NUDT9: variants seen among roughly 807,000 people sequenced by gnomAD.
NUDT9 encodes ADP-ribose pyrophosphatase.
In NUDT9, 31 loss-of-function variants were observed where a neutral mutation model predicts 41.0. The observed-to-expected ratio is 0.76, with a 90% CI of 0.57 to 1.02. The LOEUF is 1.02. Among genes scored for constraint, NUDT9 ranks in the 50% least tolerant of loss-of-function variants. NUDT9 has a pLI of 0.00. For missense variants in NUDT9, 380 were observed against 431.4 expected, an observed-to-expected ratio of 0.88 and a Z score of 1.06; for synonymous variants, 146 against 147.6, an observed-to-expected ratio of 0.99 and a Z score of 0.08.
intron 1 of NUDT9, among the ~76,000 whole-genome samples, chr4:87,424,571 ATTC>A (rs1458975483): frequency 1.3e-5 from 2 of 151,990 alleles, no homozygotes; most frequent in Non-Finnish European, 2.9e-5. Flanking sequence ...CTTGGTGCAT[ATTC>A]TTATTTTACT....
At chr4:87,434,743 C>T (rs1309457999) in intron 1 of NUDT9, among the ~76,000 whole-genome samples, 4 of 151,784 alleles carry the variant, frequency 2.6e-5, no homozygotes, top group Non-Finnish European at 5.9e-5. Flanking sequence ...GATTCTCTTG[C>T]CTCAGCCTCC....
chr4:87,422,947 T>C lies in NUDT9; in HGVS notation c.42T>C (p.Ser14=), dbSNP rs749473652. ...RLLGKALAAV[S]LSLALASVTI... ...TGGGAAAGGCTTTAGCCGCGGTGTC[T>C]CTCTCTCTGGCCTTGGCCTCTGTGA... Residue 14 remains serine (S), a synonymous_variant, in exon 1 of 8, where the codon TCT becomes TCC. Transcript: ENST00000302174. 106 of 1,612,584 alleles carry C rather than the reference T, an allele frequency of 6.6e-5. No homozygotes were observed. The highest frequency in any genetic ancestry group is 8.6e-5 in the Non-Finnish European group (102 of 1,179,672).
Position 87,435,072 on chromosome 4 carries a change from A to G in NUDT9, c.199A>G (p.Thr67Ala). 1 of 1,614,182 alleles carries G rather than the reference A, an allele frequency of 6.2e-7. No individual in the cohort carries two copies. Among genetic ancestry groups the G allele is most frequent in the Non-Finnish European group, 8.5e-7 (1 of 1,180,036 alleles). ...SKENSHNKAR[T>A]SPYPGSKVER... Reference sequence around the variant, plus strand: ...AGAAAATTCTCACAATAAGGCTCGGACGTCTCCTTACCCAGGTTCAAAAGT... The same window carrying G: ...AGAAAATTCTCACAATAAGGCTCGGGCGTCTCCTTACCCAGGTTCAAAAGT... Residue 67 changes from threonine (T) to alanine (A), a missense_variant, in exon 2 of 8, where the codon ACG becomes GCG. Physicochemically the swap from Thr to Ala is moderately conservative, Grantham distance 58. Coordinates refer to ENST00000302174, the MANE Select transcript of NUDT9 (RefSeq NM_024047.5).
intron 3 of NUDT9, among the ~76,000 whole-genome samples, chr4:87,439,423 A>G (rs1722098858): frequency 1.3e-5 from 2 of 152,192 alleles, no homozygotes; most frequent in South Asian, 4.1e-4. Flanking sequence ...TGGGAGGCCA[A>G]GGCGGGTGGA....
Position 87,457,982 on chromosome 4 carries a change from C to G in NUDT9, c.1014C>G (p.His338Gln), listed in dbSNP as rs1238992476. ...IKLVAEKRDA[H>Q]WSEDSEADCH... The stretch of plus-strand genomic sequence containing the variant: ...TTGTGGCTGAGAAACGAGATGCACA[C>G]TGGAGCGAGGACTCTGAAGCTGACT... The change falls in exon 8 of 8, where the codon CAC (histidine) becomes CAG (glutamine). Residue 338 changes from histidine to glutamine, a missense_variant. Coordinates refer to ENST00000302174, the MANE Select transcript of NUDT9 (RefSeq NM_024047.5). The G allele has an allele frequency of 1.3e-6, 2 of 1,585,564 alleles. No individual in the cohort carries two copies. Among genetic ancestry groups the G allele is most frequent in the African/African-American group, 2.7e-5 (2 of 72,942 alleles).
chr4:87,441,797 C>A, intron 3 of NUDT9, 32 bp from the exon 4 acceptor site: 1 of 1,542,650 alleles, frequency 6.5e-7, no homozygotes, highest in Non-Finnish European at 8.9e-7. Flanking sequence ...TGAACACATT[C>A]AATTGATTTT....
chr4:87,446,204 T>C (rs1427930329), intron 4 of NUDT9, among the ~76,000 whole-genome samples: 2 of 151,956 alleles, frequency 1.3e-5, no homozygotes, highest in Non-Finnish European at 2.9e-5. Context: ...TGCCAGTAAA[T>C]GTTTATGAGT....
intron 6 of NUDT9, 58 bp from the exon 7 acceptor site, chr4:87,454,313 C>T: frequency 1.1e-6 from 1 of 881,372 alleles, no homozygotes; most frequent in African/African-American, 1.6e-5. Flanking sequence ...AGGTAACATG[C>T]TCTGCTGTAC....
chr4:87,433,174 C>T (rs1204406194), intron 1 of NUDT9, among the ~76,000 whole-genome samples: 1 of 152,008 alleles, frequency 6.6e-6, no homozygotes, highest in Admixed American at 6.6e-5. Context: ...AAAAATTCAC[C>T]TTTTAAAATT....
intron 2 of NUDT9, among the ~76,000 whole-genome samples, chr4:87,436,909 G>T (rs145661158): frequency 6.6e-6 from 1 of 152,242 alleles, no homozygotes; most frequent in African/African-American, 2.4e-5. Context: ...TTATGGCAGG[G>T]ATTTTATAGT....
intron 1 of NUDT9, among the ~76,000 whole-genome samples, chr4:87,425,712 GA>G (rs70957242): frequency 0.35 from 33,140 of 94,694 alleles, 4,679 homozygotes; most frequent in Middle Eastern, 0.43. Flanking sequence ...CTGTCTCTTT[GA>G]AAAAAAAAAA....
rs115855591 is a variant in NUDT9, at chr4:87,438,370, G to T, written c.441G>T (p.Pro147=). ...TGTATGAGATTGAAAATGGAAGACC[G>T]AGGTAGGTACTGGGAGCAGAGCATC... ...NGLYEIENGR[P]RNPAGRTGLV... is the part of the protein sequence containing the mutation. Residue 147 remains proline (P), a splice_region_variant and synonymous_variant, in exon 3 of 8, where the codon CCG becomes CCT. Coordinates refer to ENST00000302174, the MANE Select transcript of NUDT9 (RefSeq NM_024047.5). 1.3e-6 allele frequency: 2 copies of T among 1,569,410 alleles called. No homozygotes were observed. The highest frequency in any genetic ancestry group is 3.3e-5 in the Admixed American group (2 of 59,916).
At chr4:87,430,152 G>A (rs1012928294) in intron 1 of NUDT9, among the ~76,000 whole-genome samples, 2 of 152,200 alleles carry the variant, frequency 1.3e-5, no homozygotes, top group African/African-American at 4.8e-5. Context: ...TTTCTATGTT[G>A]CTGGCTTTGA....
intron 4 of NUDT9, among the ~76,000 whole-genome samples, chr4:87,443,682 G>A (rs566965855): frequency 1.3e-5 from 2 of 152,340 alleles, no homozygotes; most frequent in African/African-American, 4.8e-5. Context: ...TATAAAGCAG[G>A]TAGATTTGAG....
At position 87,439,779 on chromosome 4, in the gene NUDT9, C is replaced by T. The variant is rs772673062; in HGVS notation, c.443+1407C>T. ...CCCACCAGGTTCTGCCCTCAATTTT[C>T]GAGAATTAAAATTTGAGGTGAGATT... On this transcript the variant is annotated intron_variant, in intron 3 of 7. Transcript: ENST00000302174. Among the ~76,000 whole-genome samples, 22 of 152,200 alleles carry T rather than the reference C, an allele frequency of 1.4e-4. 1 individual carries two copies. Among genetic ancestry groups the T allele is most frequent in the East Asian group, 5.8e-4 (3 of 5,182 alleles).
chr4:87,437,380 G>A (rs71633361), intron 2 of NUDT9, among the ~76,000 whole-genome samples: 21 of 151,114 alleles, frequency 1.4e-4, no homozygotes, highest in South Asian at 8.4e-4. Flanking sequence ...TCGCTCTGTC[G>A]CCCAGGCTGG....
chr4:87,434,567 T>G (rs1721823909), intron 1 of NUDT9, among the ~76,000 whole-genome samples: 1 of 152,184 alleles, frequency 6.6e-6, no homozygotes. Context: ...ATTTGAATTT[T>G]CTGATTCTTA....
chr4:87,433,651 C>T (rs532903497), intron 1 of NUDT9, among the ~76,000 whole-genome samples: 3 of 152,272 alleles, frequency 2.0e-5, no homozygotes, highest in African/African-American at 7.2e-5. Context: ...TCTCCTTTCC[C>T]ACTTGAGATG....
chr4:87,449,321 TTG>T, intron 5 of NUDT9, 68 bp downstream of exon 5: 1 of 830,748 alleles, frequency 1.2e-6, no homozygotes, highest in South Asian at 1.4e-5. Context: ...GGGTTATTGT[TTG>T]TGAATCTTTT....
Sources: allele counts gnomAD v4.1 joint callset (sites outside exome capture counted in the v4.1 genomes callset), GRCh38; gene constraint gnomAD v4.1.1; transcripts MANE v1.5; gene names NCBI Gene and HGNC (gene_info 2026-07-23, HGNC 2026-07-21).